The following IGLL5 variants were observed in gnomAD, a reference collection of about 807,000 sequenced individuals.
IGLL5 encodes the protein immunoglobulin lambda like polypeptide 5.
Under a neutral mutation model 20.9 loss-of-function variants are expected in IGLL5, and 30 were observed. That is an observed-to-expected ratio of 1.44 (90% CI 1.07 to 1.95). The LOEUF (loss-of-function observed/expected upper bound fraction) is 1.95, where lower values mean the gene tolerates loss of function less well. Among genes scored for constraint, IGLL5 ranks in the 30% most tolerant of loss-of-function variants. The probability of loss-of-function intolerance (pLI) is 0.00; values close to 1 mark genes in which losing one functional copy is unlikely to be tolerated. For synonymous variants in IGLL5, 203 were observed against 117.3 expected (o/e 1.73, Z -4.72); for missense variants, 475 against 270.7 (o/e 1.75, Z -5.30).
At chr22:22,893,865 C>CCTGA in intron 2 of IGLL5, 47 bp downstream of exon 2, 1 of 1,292,724 alleles carries the variant, frequency 7.7e-7, no homozygotes, top group African/African-American at 1.5e-5. Context: ...CTCTGCTGTC[C>CCTGA]CTGGAAAATC....
At chr22:22,895,339 G>T (rs757962695) in intron 2 of IGLL5, 36 bp from the exon 3 acceptor site, 9 of 1,585,644 alleles carry the variant, frequency 5.7e-6, no homozygotes, top group African/African-American at 1.3e-5. Context: ...CCGGTATTCT[G>T]TCTGCCCTCT....
At chr22:22,894,278 C>G (rs2068010344) in intron 2 of IGLL5, among the ~76,000 whole-genome samples, 1 of 150,896 alleles carries the variant, frequency 6.6e-6, no homozygotes, top group Admixed American at 6.6e-5. Context: ...CCAATCCAGC[C>G]TGGGAGGGCC....
intron 2 of IGLL5, 105 bp from the exon 3 acceptor site, chr22:22,895,270 A>G (rs1372645474): frequency 9.7e-7 from 1 of 1,035,520 alleles, no homozygotes; most frequent in Non-Finnish European, 1.5e-6. Context: ...GGTGGACCGG[A>G]TGGCCACACT....
chr22:22,888,783 G>A (rs528050393), intron 1 of IGLL5, among the ~76,000 whole-genome samples: 4 of 151,468 alleles, frequency 2.6e-5, no homozygotes, highest in South Asian at 2.1e-4. Context: ...CAAGGACACA[G>A]GGAGGGTGGG....
In IGLL5 at chr22:22,888,958, G is replaced by A. The variant is rs1380908303; in HGVS notation, c.206+699G>A. Among the ~76,000 whole-genome samples the A allele has an allele frequency of 8.6e-5, 13 of 151,338 alleles. 1 individual carries two copies. The highest frequency in any genetic ancestry group is 2.1e-4 in the South Asian group (1 of 4,742). ...CCCCAAAAGACAGAGCAGCGTCAGA[G>A]GAGAGGAGAGCACAGGATGAGGCTG... On this transcript the variant is annotated intron_variant, in intron 1 of 2. Coordinates refer to ENST00000526893, the MANE Select transcript of IGLL5 (RefSeq NM_001178126.2).
intron 2 of IGLL5, among the ~76,000 whole-genome samples, chr22:22,894,374 G>A (rs1601625890): frequency 6.6e-6 from 1 of 151,502 alleles, no homozygotes; most frequent in East Asian, 2.0e-4. Flanking sequence ...GCAGCTCTGT[G>A]GCCTGTGCTG....
At chr22:22,894,630 C>G (rs551617759) in intron 2 of IGLL5, among the ~76,000 whole-genome samples, 2 of 150,888 alleles carry the variant, frequency 1.3e-5, no homozygotes, top group Admixed American at 6.6e-5. Context: ...GCAGAGAACT[C>G]CATGGCTACC....
intron 1 of IGLL5, among the ~76,000 whole-genome samples, chr22:22,892,252 C>A (rs79403883): frequency 1.3e-5 from 2 of 151,104 alleles, no homozygotes; most frequent in African/African-American, 2.4e-5. Context: ...ATATTAAATT[C>A]TGTTTCAAAA....
At chr22:22,894,335 G>A (rs956893465) in intron 2 of IGLL5, among the ~76,000 whole-genome samples, 3 of 151,408 alleles carry the variant, frequency 2.0e-5, no homozygotes, top group African/African-American at 2.4e-5. Context: ...GACCAATGGA[G>A]GGCACAGAGA....
rs2067695939 is a variant in IGLL5, at chr22:22,889,200, T to C, written c.206+941T>C. Reference sequence around the variant, plus strand: ...TGGCCAAGTCCAGGGTAGGTGGGGATCCTGGAGGAAGCCGTGCCTTGGGGA... The same window carrying C: ...TGGCCAAGTCCAGGGTAGGTGGGGACCCTGGAGGAAGCCGTGCCTTGGGGA... On this transcript the variant is annotated intron_variant, in intron 1 of 2. Transcript: ENST00000526893. Among the ~76,000 whole-genome samples, 3 of 150,962 alleles carry C rather than the reference T, an allele frequency of 2.0e-5. 1 individual carries two copies. Among genetic ancestry groups the C allele is most frequent in the East Asian group, 4.1e-4 (2 of 4,890 alleles).
intron 1 of IGLL5, among the ~76,000 whole-genome samples, chr22:22,888,908 A>C (rs1601604909): frequency 1.3e-5 from 2 of 151,188 alleles, no homozygotes; most frequent in Admixed American, 6.6e-5. Flanking sequence ...TCACAGATCG[A>C]GGGGCACTGG....
Position 22,888,149 on chromosome 22 carries a change from C to G in IGLL5, c.96C>G (p.Ala32=). 1 of 1,549,384 alleles carries G rather than the reference C, an allele frequency of 6.5e-7. No individual in the cohort carries two copies. The highest frequency in any genetic ancestry group is 8.7e-7 in the Non-Finnish European group (1 of 1,146,728). The change falls in exon 1 of 3, where the codon GCC becomes GCG. Residue 32 remains alanine (A), a synonymous_variant. Coordinates refer to ENST00000526893, the MANE Select transcript of IGLL5 (RefSeq NM_001178126.2). Reference sequence around the variant, plus strand: ...GGCCCCTGCTGCTGCTGGGTCTGGCCATGGTCGCCCATGGCCTGCTGCGCC... The same window carrying G: ...GGCCCCTGCTGCTGCTGGGTCTGGCGATGGTCGCCCATGGCCTGCTGCGCC... The part of the protein sequence containing the change: ...QRWPLLLLGL[A]MVAHGLLRPM...
chr22:22,894,207 G>T (rs1601624544), intron 2 of IGLL5, among the ~76,000 whole-genome samples: 2 of 151,440 alleles, frequency 1.3e-5, no homozygotes, highest in African/African-American at 4.8e-5. Context: ...GAGCTGCTGA[G>T]TCTCATAGTC....
chr22:22,889,456 GAATAAT>G, intron 1 of IGLL5, among the ~76,000 whole-genome samples: 1 of 151,214 alleles, frequency 6.6e-6, no homozygotes, highest in Non-Finnish European at 1.5e-5. Context: ...TTGGTTGGGG[GAATAAT>G]CAAAGCTGTA....
intron 1 of IGLL5, among the ~76,000 whole-genome samples, chr22:22,891,821 AC>A (rs2067856410): frequency 6.6e-6 from 1 of 151,210 alleles, no homozygotes; most frequent in African/African-American, 2.4e-5. Context: ...ATAGCAAGGA[AC>A]CCTATTAACT....
At chr22:22,894,487 G>T (rs555341524) in intron 2 of IGLL5, among the ~76,000 whole-genome samples, 3 of 151,498 alleles carry the variant, frequency 2.0e-5, no homozygotes, top group South Asian at 2.1e-4. Context: ...GTCTCTTAGG[G>T]CAGAGATGTG....
chr22:22,891,718 CTT>C (rs754795465), intron 1 of IGLL5, among the ~76,000 whole-genome samples: 75 of 151,256 alleles, frequency 5.0e-4, no homozygotes, highest in Admixed American at 1.6e-3. Context: ...ATCTTGCACA[CTT>C]TGTTTTTTAT....
At position 22,895,618 on chromosome 22, in the gene IGLL5, A is replaced by G. The variant is rs199957800; in HGVS notation, c.569A>G (p.His190Arg). 1.4e-4 allele frequency: 227 copies of G among 1,613,294 alleles called. No homozygotes were observed. The highest frequency in any genetic ancestry group is 1.2e-3 in the Middle Eastern group (7 of 6,030). Residue 190 changes from histidine (H) to arginine (R), a missense_variant, in exon 3 of 3, where the codon CAC (histidine) becomes CGC (arginine). Coordinates refer to ENST00000526893, the MANE Select transcript of IGLL5 (RefSeq NM_001178126.2). Reference sequence around the variant, plus strand: ...CTGACGCCCGAGCAGTGGAAGTCCCACAGAAGCTACAGCTGCCAGGTCACG... The same window carrying G: ...CTGACGCCCGAGCAGTGGAAGTCCCGCAGAAGCTACAGCTGCCAGGTCACG... ...LSLTPEQWKS[H>R]RSYSCQVTHE...
chr22:22,889,960 A>G (rs1371565363), intron 1 of IGLL5, among the ~76,000 whole-genome samples: 1 of 151,206 alleles, frequency 6.6e-6, no homozygotes, highest in East Asian at 2.0e-4. Flanking sequence ...AAAAATGTCA[A>G]TGGTGTGTCT....
Sources: allele counts gnomAD v4.1 joint callset (sites outside exome capture counted in the v4.1 genomes callset), GRCh38; gene constraint gnomAD v4.1.1; transcripts MANE v1.5; gene names NCBI Gene and HGNC (gene_info 2026-07-23, HGNC 2026-07-21).